Variants in GDPD1 observed in about 807,000 individuals in gnomAD.
GDPD1 encodes glycerophosphodiester phosphodiesterase domain containing 1.
Under a neutral mutation model 45.1 loss-of-function variants are expected in GDPD1, and 28 were observed. The observed-to-expected ratio is 0.62, with a 90% CI of 0.46 to 0.85. The LOEUF is 0.85. Among genes scored for constraint, GDPD1 ranks in the 40% least tolerant of loss-of-function variants. The pLI, the probability that GDPD1 is intolerant of heterozygous loss-of-function variation, is 0.00. For missense variants in GDPD1, 256 were observed against 364.8 expected (o/e 0.70, Z 2.43); for synonymous variants, 139 against 131.4 (o/e 1.06, Z -0.40).
rs746469277 is a variant in GDPD1, at chr17:59,273,712, CT to C, written c.885del (p.Val297Ter). 6.3e-7 allele frequency: 1 copy of C among 1,598,416 alleles called. No homozygotes were observed. The highest frequency in any genetic ancestry group is 1.1e-5 in the South Asian group (1 of 89,034). On this transcript the variant is annotated frameshift_variant, in exon 10 of 10. Coordinates refer to ENST00000284116, the MANE Select transcript of GDPD1 (RefSeq NM_182569.4). LOFTEE classifies it high-confidence loss of function. ...EYKRAFDLGA[T>X]GVMTDYPTKL... Reference sequence around the variant, plus strand: ...AAAAGAGCTTTTGATTTGGGAGCAACTGGGGTGATGACAGACTATCCAACAA... The same window carrying C: ...AAAAGAGCTTTTGATTTGGGAGCAACGGGGTGATGACAGACTATCCAACAA...
In GDPD1 at chr17:59,226,904, C is replaced by T. The variant is rs1233941447; in HGVS notation, c.142+6153C>T. Among the ~76,000 whole-genome samples, 8 of 150,828 alleles carry T rather than the reference C, an allele frequency of 5.3e-5. No individual in the cohort carries two copies. In the East Asian group the frequency reaches 1.6e-3, roughly 30 times the overall value. On this transcript the variant is annotated intron_variant, in intron 1 of 9. Coordinates refer to ENST00000284116, the MANE Select transcript of GDPD1 (RefSeq NM_182569.4). ...CCATGTTGGCCAGGCTGGTCTTGAA[C>T]TCCTGACCTCAGGTGATCCACCTAC...
Position 59,275,181 on chromosome 17 carries a change from G to A in GDPD1, c.*1408G>A. ...TGAAGGCCATTGCAGCTATTTGGTA[G>A]TGTCTTGTTATTTCTAGGTGTACCT... On this transcript the variant is annotated 3_prime_UTR_variant, in exon 10 of 10. Coordinates refer to ENST00000284116, the MANE Select transcript of GDPD1 (RefSeq NM_182569.4). 6.5e-7 allele frequency: 1 copy of A among 1,537,324 alleles called. No individual in the cohort carries two copies. The highest frequency in any genetic ancestry group is 1.4e-5 in the African/African-American group (1 of 73,142).
intron 3 of GDPD1, among the ~76,000 whole-genome samples, chr17:59,247,703 C>T (rs1444315561): frequency 2.6e-5 from 4 of 151,964 alleles, no homozygotes; most frequent in African/African-American, 9.7e-5. Flanking sequence ...AATCTTGGCT[C>T]ACTGCAACCT....
chr17:59,271,071 G>T, intron 8 of GDPD1, 76 bp downstream of exon 8: 2 of 865,292 alleles, frequency 2.3e-6, no homozygotes, highest in Non-Finnish European at 3.7e-6. Context: ...AAAATGTTGT[G>T]CAAGCTTTCC....
At chr17:59,222,079 A>C (rs1239108819) in intron 1 of GDPD1, among the ~76,000 whole-genome samples, 1 of 152,204 alleles carries the variant, frequency 6.6e-6, no homozygotes, top group Non-Finnish European at 1.5e-5. Flanking sequence ...CTACCTGGTT[A>C]AACTGTAGGA....
chr17:59,249,868 A>G (rs1270069726), intron 4 of GDPD1, among the ~76,000 whole-genome samples: 2 of 152,200 alleles, frequency 1.3e-5, no homozygotes, highest in Non-Finnish European at 2.9e-5. Flanking sequence ...TAAAAGAACT[A>G]TAACTGCTCC....
At chr17:59,243,577 C>T (rs1054967883) in intron 2 of GDPD1, among the ~76,000 whole-genome samples, 15 of 152,072 alleles carry the variant, frequency 9.9e-5, no homozygotes, top group African/African-American at 3.6e-4. Context: ...TTATCCTGGA[C>T]CAACAGTTCA....
intron 2 of GDPD1, among the ~76,000 whole-genome samples, chr17:59,238,343 A>G (rs1467679508): frequency 1.3e-5 from 2 of 151,774 alleles, no homozygotes; most frequent in Admixed American, 6.6e-5. Flanking sequence ...AATATCCTTT[A>G]ATGTGGTTTA....
chr17:59,258,540 C>A (rs971129565), intron 6 of GDPD1, among the ~76,000 whole-genome samples: 5 of 151,922 alleles, frequency 3.3e-5, no homozygotes, highest in Admixed American at 3.3e-4. Flanking sequence ...AAGACTCTGT[C>A]TCAAAAAAAA....
Position 59,275,216 on chromosome 17 carries a change from A to G in GDPD1, c.*1443A>G, listed in dbSNP as rs2147911792. 6.5e-7 allele frequency: 1 copy of G among 1,534,100 alleles called. No individual in the cohort carries two copies. The highest frequency in any genetic ancestry group is 8.7e-7 in the Non-Finnish European group (1 of 1,143,970). On this transcript the variant is annotated 3_prime_UTR_variant, in exon 10 of 10. Coordinates refer to ENST00000284116, the MANE Select transcript of GDPD1 (RefSeq NM_182569.4). ...ATTTCTAGGTGTACCTTAGTTAAAG[A>G]GGAAAAATAAAACGGAAAAAAGCTT...
At chr17:59,272,967 A>T (rs963592003) in intron 9 of GDPD1, 131 bp downstream of exon 9, 57 of 1,569,664 alleles carry the variant, frequency 3.6e-5, no homozygotes, top group Non-Finnish European at 4.5e-5. Flanking sequence ...TGATCCACAA[A>T]TGAGGACCTT....
chr17:59,266,908 G>A (rs1271539564), intron 6 of GDPD1, 133 bp from the exon 7 acceptor site: 1 of 737,830 alleles, frequency 1.4e-6, no homozygotes, highest in Admixed American at 2.8e-5. Context: ...ATTTGCAAAT[G>A]AATATTCATA....
At chr17:59,251,951 G>A (rs2047257540) in intron 4 of GDPD1, among the ~76,000 whole-genome samples, 1 of 134,384 alleles carries the variant, frequency 7.4e-6, no homozygotes, top group Non-Finnish European at 1.5e-5. Flanking sequence ...AGGCTGCAGT[G>A]AGCCATGATT....
At chr17:59,269,345 T>A (rs1234062683) in intron 7 of GDPD1, among the ~76,000 whole-genome samples, 1 of 152,100 alleles carries the variant, frequency 6.6e-6, no homozygotes, top group Non-Finnish European at 1.5e-5. Context: ...GCTCAACTTC[T>A]ATTTCATGCC....
chr17:59,221,130 C>CG (rs1162295584), intron 1 of GDPD1, among the ~76,000 whole-genome samples: 3 of 151,930 alleles, frequency 2.0e-5, no homozygotes, highest in Admixed American at 1.3e-4. Context: ...GGGTACCCCG[C>CG]GGGGGGCACC....
chr17:59,274,283 C>T lies in GDPD1; in HGVS notation c.*510C>T, dbSNP rs2047464245. The T allele has an allele frequency of 9.7e-6, 3 of 309,432 alleles. No homozygotes were observed. The highest frequency in any genetic ancestry group is 1.4e-5 in the Non-Finnish European group (3 of 212,168). The allele number at this position is 309,432 out of a possible 1,614,324, so 19.2% of individuals were successfully genotyped here. On this transcript the variant is annotated 3_prime_UTR_variant, in exon 10 of 10. Coordinates refer to ENST00000284116, the MANE Select transcript of GDPD1 (RefSeq NM_182569.4). The stretch of plus-strand genomic sequence containing the variant: ...ATCCCAGCACTTTGGGAGGCTGAGA[C>T]AGGCGGATCATCTGAAGTCAGGAGT...
In GDPD1 at chr17:59,274,843, A is replaced by T. The variant is rs982121258; in HGVS notation, c.*1070A>T. 2.1e-4 allele frequency among the ~76,000 whole-genome samples: 29 copies of T among 137,370 alleles called. No homozygotes were observed. Among genetic ancestry groups the T allele is most frequent in the Middle Eastern group, 3.7e-3 (1 of 270 alleles). 90.1% of individuals were successfully genotyped at this position (137,370 alleles called of 152,430 possible). On this transcript the variant is annotated 3_prime_UTR_variant, in exon 10 of 10. Transcript: ENST00000284116. ...CTGGAATACAATCAATTAGTAAAAG[A>T]TTTTTTTTTTTTTTTTGACATGTAG...
chr17:59,261,150 G>A (rs1422655565), intron 6 of GDPD1, among the ~76,000 whole-genome samples: 1 of 152,158 alleles, frequency 6.6e-6, no homozygotes, highest in Non-Finnish European at 1.5e-5. Flanking sequence ...ATCTTTAGTA[G>A]AGATGGGGTT....
chr17:59,225,195 A>AATCCTGG (rs2047038690), intron 1 of GDPD1, among the ~76,000 whole-genome samples: 1 of 149,030 alleles, frequency 6.7e-6, no homozygotes, highest in Non-Finnish European at 1.5e-5. Context: ...AGGTTCAAGT[A>AATCCTGG]ATCCTGGTGC....
Sources: allele counts gnomAD v4.1 joint callset (sites outside exome capture counted in the v4.1 genomes callset), GRCh38; gene constraint gnomAD v4.1.1; transcripts MANE v1.5; gene names NCBI Gene and HGNC (gene_info 2026-07-23, HGNC 2026-07-21).